AGBL4: variants seen among roughly 807,000 people sequenced by gnomAD.
AGBL4 encodes the protein AGBL carboxypeptidase 4, also known as cytosolic carboxypeptidase 6.
Under a neutral mutation model 66.4 loss-of-function variants are expected in AGBL4, and 58 were observed. That is an observed-to-expected ratio of 0.87 (90% confidence interval 0.71 to 1.09). The LOEUF (loss-of-function observed/expected upper bound fraction) is 1.09, where lower values mean the gene tolerates loss of function less well. Ranked by LOEUF, AGBL4 falls within the 50% of genes least tolerant of loss-of-function variation. AGBL4 has a pLI of 0.00. For synonymous variants in AGBL4, 234 were observed against 222.9 expected (o/e 1.05, Z -0.44); for missense variants, 579 against 631.0 (o/e 0.92, Z 0.88).
At chr1:49,954,437 C>A (rs1021436481) in intron 1 of AGBL4, among the ~76,000 whole-genome samples, 1 of 151,934 alleles carries the variant, frequency 6.6e-6, no homozygotes, top group Non-Finnish European at 1.5e-5. Flanking sequence ...TGGGTACCCG[C>A]TCCTCCCTTT....
At chr1:48,578,830 T>A (rs908501492) in intron 11 of AGBL4, among the ~76,000 whole-genome samples, 2 of 152,122 alleles carry the variant, frequency 1.3e-5, no homozygotes, top group Non-Finnish European at 2.9e-5. Context: ...GGTGAAATGA[T>A]TTAACCAAGT....
chr1:48,823,778 A>G (rs1646366955), intron 6 of AGBL4, among the ~76,000 whole-genome samples: 1 of 152,236 alleles, frequency 6.6e-6, no homozygotes, highest in African/African-American at 2.4e-5. Flanking sequence ...AGAGGTACCA[A>G]AGCATGTGTA....
chr1:49,578,499 C>T (rs1455923789), intron 3 of AGBL4, among the ~76,000 whole-genome samples: 1 of 152,228 alleles, frequency 6.6e-6, no homozygotes, highest in African/African-American at 2.4e-5. Context: ...ACATGACCAG[C>T]TGCAGAAATG....
chr1:48,989,207 ATTCTT>A (rs1300369353), intron 5 of AGBL4, among the ~76,000 whole-genome samples: 2 of 152,042 alleles, frequency 1.3e-5, no homozygotes, highest in African/African-American at 4.8e-5. Flanking sequence ...GAGAGCCTTC[ATTCTT>A]TTCTTTTAAT....
intron 4 of AGBL4, among the ~76,000 whole-genome samples, chr1:49,112,251 A>G (rs1557650360): frequency 6.6e-6 from 1 of 152,228 alleles, no homozygotes; most frequent in Non-Finnish European, 1.5e-5. Flanking sequence ...ACATAGTGAT[A>G]GAAATAGAGT....
At chr1:48,625,143 T>TCC (rs1292969407) in intron 9 of AGBL4, among the ~76,000 whole-genome samples, 18 of 136,328 alleles carry the variant, frequency 1.3e-4, no homozygotes, top group Admixed American at 3.1e-4. Flanking sequence ...CTTCCTTCCT[T>TCC]TCTCTTTCTC....
chr1:48,818,799 T>G (rs1224003265), intron 6 of AGBL4, among the ~76,000 whole-genome samples: 1 of 152,164 alleles, frequency 6.6e-6, no homozygotes, highest in Non-Finnish European at 1.5e-5. Flanking sequence ...TACATCAATA[T>G]AGCAACGGTG....
intron 3 of AGBL4, among the ~76,000 whole-genome samples, chr1:49,430,751 T>C (rs1368824730): frequency 6.6e-6 from 1 of 152,190 alleles, no homozygotes; most frequent in African/African-American, 2.4e-5. Context: ...AAAGCCAGAA[T>C]ATAACCAGTA....
At chr1:49,693,034 A>G (rs1208026487) in intron 3 of AGBL4, among the ~76,000 whole-genome samples, 1 of 152,200 alleles carries the variant, frequency 6.6e-6, no homozygotes, top group East Asian at 1.9e-4. Context: ...GGCCTGAGAC[A>G]TTGCATCATA....
chr1:49,455,756 C>A (rs1180690126), intron 3 of AGBL4, among the ~76,000 whole-genome samples: 1 of 151,572 alleles, frequency 6.6e-6, no homozygotes. Context: ...TTCTTATCTG[C>A]CAGTCTCTTA....
chr1:49,562,557 A>T (rs1198380434), intron 3 of AGBL4, among the ~76,000 whole-genome samples: 2 of 152,144 alleles, frequency 1.3e-5, no homozygotes, highest in Non-Finnish European at 2.9e-5. Flanking sequence ...ACCATTTATT[A>T]AATAGGGAAT....
At chr1:48,556,528 C>T (rs1644323571) in intron 11 of AGBL4, among the ~76,000 whole-genome samples, 1 of 152,232 alleles carries the variant, frequency 6.6e-6, no homozygotes, top group African/African-American at 2.4e-5. Flanking sequence ...TGCCACTTGT[C>T]ATCTTCCCTC....
At chr1:48,639,647 G>C (rs888712805) in intron 8 of AGBL4, among the ~76,000 whole-genome samples, 7 of 152,190 alleles carry the variant, frequency 4.6e-5, no homozygotes, top group African/African-American at 1.7e-4. Context: ...ACACCAACTA[G>C]TCAAGGATGA....
chr1:48,895,045 G>C (rs1229414959), intron 5 of AGBL4, among the ~76,000 whole-genome samples: 1 of 152,212 alleles, frequency 6.6e-6, no homozygotes, highest in Non-Finnish European at 1.5e-5. Flanking sequence ...TACCTGGGCA[G>C]TTAACGCTGC....
In AGBL4 at chr1:48,761,562, A is replaced by G. The variant is rs994654732; in HGVS notation, c.635-98321T>C. 3.8e-6 allele frequency: 5 copies of G among 1,321,632 alleles called. No individual in the cohort carries two copies. In the East Asian group the frequency reaches 1.0e-4, roughly 27 times the overall value. The allele number at this position is 1,321,632 out of a possible 1,614,324, so 81.9% of individuals were successfully genotyped here. ...CCCAAAACCTCAAATGCTAGAAAAT[A>G]ATTGAGGCCAGACCAGTTAAAAAGG... is the stretch of plus-strand genomic sequence containing the variant. On this transcript the variant is annotated intron_variant, in intron 6 of 13. Coordinates refer to ENST00000371839, the MANE Select transcript of AGBL4 (RefSeq NM_032785.4).
At chr1:48,848,642 A>G (rs28620614) in intron 6 of AGBL4, among the ~76,000 whole-genome samples, 18 of 152,272 alleles carry the variant, frequency 1.2e-4, no homozygotes, top group Non-Finnish European at 2.5e-4. Flanking sequence ...GAATGTTGGG[A>G]TCCAATTTTC....
At chr1:48,892,826 C>T (rs757139130) in intron 5 of AGBL4, among the ~76,000 whole-genome samples, 312 of 152,288 alleles carry the variant, frequency 2.0e-3, no homozygotes, top group Middle Eastern at 0.01. Flanking sequence ...AACCATTCCC[C>T]CCCTTTTCTT....
chr1:49,111,054 T>C (rs1645396631), intron 4 of AGBL4, among the ~76,000 whole-genome samples: 2 of 152,152 alleles, frequency 1.3e-5, no homozygotes, highest in South Asian at 4.1e-4. Context: ...TATCTGACTT[T>C]AGCCCTGCGT....
chr1:49,705,149 G>T (rs576378371), intron 2 of AGBL4, among the ~76,000 whole-genome samples: 1 of 152,220 alleles, frequency 6.6e-6, no homozygotes, highest in South Asian at 2.1e-4. Context: ...CACATCCCTT[G>T]TAAGTTGTAT....
Sources: allele counts gnomAD v4.1 joint callset (sites outside exome capture counted in the v4.1 genomes callset), GRCh38; gene constraint gnomAD v4.1.1; transcripts MANE v1.5; gene names NCBI Gene and HGNC (gene_info 2026-07-23, HGNC 2026-07-21).